Variants in TPM1 observed in about 807,000 individuals in gnomAD.
TPM1 encodes tropomyosin alpha-1 chain.
A neutral mutation model predicts 42.9 loss-of-function variants in TPM1; 24 were observed. The observed-to-expected ratio is 0.56, with a 90% CI of 0.41 to 0.79. The LOEUF is 0.79. TPM1 is among the 30% of genes least tolerant of loss of function. TPM1 has a pLI of 0.00. For missense variants in TPM1, 158 were observed against 351.8 expected (o/e 0.45, Z 4.41); for synonymous variants, 136 against 130.1 (o/e 1.05, Z -0.31).
downstream of TPM1, among the ~76,000 whole-genome samples, chr15:63,067,714 T>G (rs2036356822): frequency 6.6e-6 from 1 of 152,182 alleles, no homozygotes. Context: ...ATTGTTGATT[T>G]CTTGTTCAAC....
chr15:63,068,283 G>C (rs1010838244), downstream of TPM1, among the ~76,000 whole-genome samples: 1 of 152,168 alleles, frequency 6.6e-6, no homozygotes, highest in Non-Finnish European at 1.5e-5. Context: ...AAGCGAGTCC[G>C]AACTAATAGG....
At chr15:63,053,673 A>ATT (rs397853689) in intron 2 of TPM1, among the ~76,000 whole-genome samples, 1,947 of 75,074 alleles carry the variant, frequency 0.026, 89 homozygotes, top group South Asian at 0.086. Flanking sequence ...TGGAAGTTTG[A>ATT]TTTTTTTTTT....
chr15:63,064,206 C>T, intron 9 of TPM1, 64 bp downstream of exon 9: 2 of 1,578,902 alleles, frequency 1.3e-6, no homozygotes, highest in Non-Finnish European at 1.7e-6. Context: ...AAACTCACCA[C>T]CATGCCTTCC....
At chr15:63,048,189 C>T (rs1296076127) in intron 2 of TPM1, 1 of 457,478 alleles carries the variant, frequency 2.2e-6, no homozygotes, top group Non-Finnish European at 4.4e-6. Context: ...CGGGTCACCA[C>T]CGCGCCGCGG....
In TPM1 at chr15:63,056,667, AAAAAC is replaced by A. The variant is rs10603464; in HGVS notation, c.241-298_241-294del. 0.81 allele frequency: 287,386 copies of A among 353,530 alleles called. 117,435 individuals carry two copies. Among genetic ancestry groups the A allele is most frequent in the East Asian group, 1 (13,602 of 13,662 alleles). The allele number at this position is 353,530 out of a possible 1,614,324, so 21.9% of individuals were successfully genotyped here. On this transcript the variant is annotated intron_variant, in intron 2 of 9. Coordinates refer to ENST00000403994, the MANE Select transcript of TPM1 (RefSeq NM_001018005.2). ...GGGTGATAGAGCGAGACCCTGTCTC[AAAAAC>A]AAAACAAAACAAAACAAAAAAATCT...
chr15:63,065,393 C>G (rs1193333822), intron 9 of TPM1: 4 of 995,636 alleles, frequency 4.0e-6, no homozygotes, highest in Admixed American at 1.1e-4. Context: ...AAAATGGTAA[C>G]TTGAAGAGAG....
At chr15:63,056,882 A>C (rs1378569021) in intron 2 of TPM1, 103 bp from the exon 3 acceptor site, 1 of 1,520,608 alleles carries the variant, frequency 6.6e-7, no homozygotes, top group Non-Finnish European at 9.1e-7. Context: ...TCACCACAAG[A>C]CAGTCTTCCT....
intron 3 of TPM1, among the ~76,000 whole-genome samples, chr15:63,058,871 A>G (rs2035194005): frequency 6.6e-6 from 1 of 152,206 alleles, no homozygotes; most frequent in Admixed American, 6.5e-5. Context: ...ACCCTAATAT[A>G]CACCATGCCA....
rs34102093 is a variant in TPM1 at position 63,043,127 on chromosome 15, T to TTTG, written c.114+185_114+186insTGT. 91,245 of 623,586 alleles carry TTTG rather than the reference T, an allele frequency of 0.15. 9,994 individuals carry two copies. Among genetic ancestry groups the TTTG allele is most frequent in the East Asian group, 0.47 (16,930 of 35,772 alleles). 38.6% of individuals were successfully genotyped at this position (623,586 alleles called of 1,614,324 possible). On this transcript the variant is annotated intron_variant, in intron 1 of 9. Transcript: ENST00000403994. ...ACGCAAGAGCCAGGCTTAGTCTAAC[T>TTTG]TAGTCTGGTCTGAGGACGCTTATTT...
chr15:63,065,144 G>T, intron 9 of TPM1: 1 of 985,504 alleles, frequency 1.0e-6, no homozygotes, highest in Non-Finnish European at 1.2e-6. Flanking sequence ...TAATGGCCCA[G>T]ATTTTACTGT....
At position 63,065,946 on chromosome 15, in the gene TPM1, T is replaced by G. The variant is rs1275438057; in HGVS notation, c.*47T>G. Reference sequence around the variant, plus strand: ...CAAGACTCCCTCGTCGAGCTGGATGTCCCACCTCTCTGAGCTCTGCATTTG... The same window carrying G: ...CAAGACTCCCTCGTCGAGCTGGATGGCCCACCTCTCTGAGCTCTGCATTTG... On this transcript the variant is annotated 3_prime_UTR_variant, in exon 10 of 10. Transcript: ENST00000403994. The G allele has an allele frequency of 6.2e-7, 1 of 1,606,180 alleles. No homozygotes were observed. The highest frequency in any genetic ancestry group is 2.2e-5 in the East Asian group (1 of 44,768).
At chr15:63,055,755 A>AT (rs1437297017) in intron 2 of TPM1, 2 of 152,208 alleles carry the variant, frequency 1.3e-5, no homozygotes, top group African/African-American at 4.8e-5. Context: ...GGATGAGGAT[A>AT]TTTTACCTGA....
chr15:63,051,436 C>T (rs574707754), intron 2 of TPM1, among the ~76,000 whole-genome samples: 70 of 152,146 alleles, frequency 4.6e-4, no homozygotes, highest in Non-Finnish European at 3.1e-4. Flanking sequence ...TGTCTGTTCT[C>T]CCTCATTATA....
At chr15:63,062,547 C>T (rs774665086) in intron 7 of TPM1, 29 bp from the exon 8 acceptor site, 2 of 1,613,524 alleles carry the variant, frequency 1.2e-6, no homozygotes, top group South Asian at 1.1e-5. Flanking sequence ...ATAAAACTTC[C>T]CAACTTTAAC....
intron 2 of TPM1, among the ~76,000 whole-genome samples, chr15:63,049,886 A>G (rs1339614618): frequency 6.6e-6 from 1 of 152,228 alleles, no homozygotes; most frequent in Admixed American, 6.5e-5. Flanking sequence ...GTGGTAAACT[A>G]ATTCCGACTC....
intron 2 of TPM1, 80 bp downstream of exon 2, chr15:63,044,232 G>A (rs2031898168): frequency 6.2e-7 from 1 of 1,609,612 alleles, no homozygotes; most frequent in Non-Finnish European, 8.5e-7. Flanking sequence ...GGAGAGCAAT[G>A]AAGGAAGTTT....
chr15:63,053,697 T>C (rs62013183), intron 2 of TPM1, among the ~76,000 whole-genome samples: 69 of 128,386 alleles, frequency 5.4e-4, no homozygotes, highest in African/African-American at 1.9e-3. Context: ...TTTTTTGTTT[T>C]TGAGACAAGA....
At chr15:63,053,824 G>A (rs2034344319) in intron 2 of TPM1, among the ~76,000 whole-genome samples, 1 of 151,944 alleles carries the variant, frequency 6.6e-6, no homozygotes, top group Non-Finnish European at 1.5e-5. Context: ...TGGGATTACA[G>A]GCATGTGCCA....
intron 1 of TPM1, 124 bp from the exon 2 acceptor site, chr15:63,043,903 T>A: frequency 6.4e-7 from 1 of 1,552,534 alleles, no homozygotes; most frequent in South Asian, 1.2e-5. Flanking sequence ...TCCCTCCCTG[T>A]CTTTCCCTCT....
Sources: allele counts gnomAD v4.1 joint callset (sites outside exome capture counted in the v4.1 genomes callset), GRCh38; gene constraint gnomAD v4.1.1; transcripts MANE v1.5; gene names NCBI Gene and HGNC (gene_info 2026-07-23, HGNC 2026-07-21).